The following NTN4 variants were observed in gnomAD, a reference collection of about 807,000 sequenced individuals.
The protein encoded by NTN4 is netrin-4.
A neutral mutation model predicts 73.6 loss-of-function variants in NTN4; 32 were observed. The ratio of observed to expected loss-of-function variants is 0.44; its 90% CI spans 0.33 to 0.58. The LOEUF is 0.58. Ranked by LOEUF, NTN4 falls within the 20% of genes least tolerant of loss-of-function variation. The pLI is 0.04. For synonymous variants in NTN4, 258 were observed against 287.5 expected, an observed-to-expected ratio of 0.90 and a Z score of 1.04; for missense variants, 654 against 798.3, an observed-to-expected ratio of 0.82 and a Z score of 2.18.
chr12:95,754,122 G>A (rs1174862075), intron 2 of NTN4, among the ~76,000 whole-genome samples: 2 of 152,110 alleles, frequency 1.3e-5, no homozygotes, highest in East Asian at 3.8e-4. Context: ...AGATGTCCTA[G>A]GTCCTCCCAA....
At chr12:95,668,272 A>T (rs1006917374) in intron 8 of NTN4, among the ~76,000 whole-genome samples, 1 of 152,050 alleles carries the variant, frequency 6.6e-6, no homozygotes, top group Non-Finnish European at 1.5e-5. Context: ...AATTCTTCTT[A>T]AGTAGAAAAT....
chr12:95,721,982 A>C (rs573441875), intron 3 of NTN4, among the ~76,000 whole-genome samples: 32 of 152,008 alleles, frequency 2.1e-4, no homozygotes, highest in Middle Eastern at 3.4e-3. Flanking sequence ...ATCTGTGTAC[A>C]TTGACTGGCC....
chr12:95,679,870 T>C (rs1323534414), intron 7 of NTN4, among the ~76,000 whole-genome samples: 1 of 152,182 alleles, frequency 6.6e-6, no homozygotes, highest in Non-Finnish European at 1.5e-5. Context: ...CAGCTTACTC[T>C]GTTCCAGCCA....
Position 95,787,343 on chromosome 12 carries a change from A to G in NTN4, c.181T>C (p.Tyr61His), listed in dbSNP as rs2079176424. 11 of 1,614,116 alleles carry G rather than the reference A, an allele frequency of 6.8e-6. No homozygotes were observed. Among genetic ancestry groups the G allele is most frequent in the Non-Finnish European group, 8.5e-6 (10 of 1,180,052 alleles). The change falls in exon 2 of 10, where the codon TAC (tyrosine) becomes CAC (histidine). Residue 61 changes from tyrosine to histidine, a missense_variant. Transcript: ENST00000343702. ...TTCGQNATEL[Y>H]CFYSENTDLT... ...TCCGTGTTCTCACTGTAGAAGCAGT[A>G]CAGTTCGGTAGCATTCTGACCGCAG...
At chr12:95,662,230 T>C (rs571652929) in intron 9 of NTN4, among the ~76,000 whole-genome samples, 1 of 51,370 alleles carries the variant, frequency 1.9e-5, no homozygotes, top group African/African-American at 8.0e-5. Context: ...TCTTCCTTTT[T>C]CTTTCTTTTT....
chr12:95,683,882 T>C (rs1240806873), intron 5 of NTN4, among the ~76,000 whole-genome samples, 171 bp from the exon 6 acceptor site: 5 of 152,102 alleles, frequency 3.3e-5, no homozygotes, highest in African/African-American at 1.2e-4. Context: ...AAATGACAGA[T>C]AAGCGAGATA....
At chr12:95,751,079 C>T (rs1301520824) in intron 2 of NTN4, among the ~76,000 whole-genome samples, 4 of 152,166 alleles carry the variant, frequency 2.6e-5, no homozygotes, top group Non-Finnish European at 4.4e-5. Context: ...CAGCCCTGGA[C>T]CCTAAAAGGT....
intron 2 of NTN4, among the ~76,000 whole-genome samples, chr12:95,744,208 G>A (rs2078845701): frequency 6.6e-6 from 1 of 152,130 alleles, no homozygotes; most frequent in Non-Finnish European, 1.5e-5. Context: ...CGCCAACATG[G>A]AGGATTGTTA....
intron 2 of NTN4, among the ~76,000 whole-genome samples, chr12:95,779,857 T>C (rs1169672690): frequency 6.6e-6 from 1 of 152,228 alleles, no homozygotes; most frequent in Non-Finnish European, 1.5e-5. Context: ...AAGTCAGTCC[T>C]AAGCCAAAAG....
intron 5 of NTN4, among the ~76,000 whole-genome samples, chr12:95,693,413 A>G (rs1234534261): frequency 6.6e-6 from 1 of 152,012 alleles, no homozygotes; most frequent in Non-Finnish European, 1.5e-5. Context: ...CTCCTGTTAT[A>G]TGTTCCTTTC....
intron 8 of NTN4, among the ~76,000 whole-genome samples, chr12:95,669,863 A>G (rs2120938748): frequency 1.3e-5 from 2 of 152,296 alleles, no homozygotes; most frequent in Middle Eastern, 6.8e-3. Flanking sequence ...CCTTTGCTCT[A>G]CAAGCATTCT....
chr12:95,697,629 C>CTT (rs78324339), intron 5 of NTN4, among the ~76,000 whole-genome samples: 1,413 of 129,476 alleles, frequency 0.011, 33 homozygotes, highest in African/African-American at 0.038. Flanking sequence ...AAGGCTTTTA[C>CTT]TTTTTTTTTT....
At chr12:95,726,094 A>AT (rs1251470131) in intron 3 of NTN4, among the ~76,000 whole-genome samples, 1 of 151,260 alleles carries the variant, frequency 6.6e-6, no homozygotes, top group African/African-American at 2.4e-5. Flanking sequence ...TAAGCTATTG[A>AT]TTTTTTTCTA....
Position 95,696,670 on chromosome 12 carries a change from C to T in NTN4, c.1181-12959G>A, listed in dbSNP as rs573081671. Among the ~76,000 whole-genome samples the T allele has an allele frequency of 2.6e-5, 4 of 152,236 alleles. 1 individual carries two copies. The highest frequency in any genetic ancestry group is 2.1e-4 in the South Asian group (1 of 4,828). On this transcript the variant is annotated intron_variant, in intron 5 of 9. Coordinates refer to ENST00000343702, the MANE Select transcript of NTN4 (RefSeq NM_021229.4). ...TGAACCTCCTAGAAGGTCCATACTGCTCTTTATAGGTTTCTGTGAATAATA... is the reference window on the plus strand; with the variant it reads ...TGAACCTCCTAGAAGGTCCATACTGTTCTTTATAGGTTTCTGTGAATAATA...
intron 2 of NTN4, among the ~76,000 whole-genome samples, chr12:95,773,289 C>T (rs1393119811): frequency 6.6e-6 from 1 of 152,184 alleles, no homozygotes; most frequent in Non-Finnish European, 1.5e-5. Context: ...TAGGCATGAG[C>T]CACCATGCCT....
chr12:95,715,125 C>G (rs979344659), intron 3 of NTN4, among the ~76,000 whole-genome samples: 2 of 152,150 alleles, frequency 1.3e-5, no homozygotes, highest in South Asian at 2.1e-4. Context: ...CTTATGCTCA[C>G]ATAATGTCCA....
intron 7 of NTN4, among the ~76,000 whole-genome samples, chr12:95,675,731 C>T (rs1211080254): frequency 6.6e-6 from 1 of 152,028 alleles, no homozygotes; most frequent in African/African-American, 2.4e-5. Flanking sequence ...GGGGATAGGG[C>T]TTTGGGGTCC....
intron 7 of NTN4, among the ~76,000 whole-genome samples, chr12:95,677,235 A>G (rs1205956847): frequency 2.0e-5 from 3 of 152,172 alleles, no homozygotes; most frequent in Admixed American, 1.3e-4. Flanking sequence ...ACTCAAAAAA[A>G]AAAAGAATCG....
At chr12:95,672,834 A>C in intron 7 of NTN4, 1 of 1,367,128 alleles carries the variant, frequency 7.3e-7, no homozygotes, top group Non-Finnish European at 1.0e-6. Flanking sequence ...AGATCAAGGA[A>C]GGGAAATGGG....
Sources: gnomAD v4.1 joint callset for allele counts (sites outside exome capture counted in the v4.1 genomes callset) on GRCh38, gnomAD v4.1.1 for gene constraint, MANE v1.5 for transcripts, NCBI Gene and HGNC (gene_info 2026-07-23, HGNC 2026-07-21) for gene names.